Variants in SETD1A observed in about 807,000 individuals in gnomAD.
SETD1A encodes SET domain containing 1A, histone lysine methyltransferase.
In SETD1A, 29 loss-of-function variants were observed where a neutral mutation model predicts 149.9. The observed-to-expected ratio is 0.19, with a 90% confidence interval of 0.14 to 0.26. The LOEUF is 0.26. Ranked by LOEUF, SETD1A falls within the 10% of genes least tolerant of loss-of-function variation. The pLI, the probability that SETD1A is intolerant of heterozygous loss-of-function variation, is 1.00. For synonymous variants in SETD1A, 1,141 were observed against 968.5 expected, an observed-to-expected ratio of 1.18 and a Z score of -3.31; for missense variants, 2,109 against 2,353.1, an observed-to-expected ratio of 0.90 and a Z score of 2.15.
chr16:30,977,877 G>A (rs970101943), intron 13 of SETD1A, among the ~76,000 whole-genome samples: 7 of 152,334 alleles, frequency 4.6e-5, no homozygotes, highest in Middle Eastern at 6.8e-3. Flanking sequence ...GAGTCCGTGG[G>A]CTGCAGTTCA....
At chr16:30,960,164 C>T (rs760263920) in intron 3 of SETD1A, among the ~76,000 whole-genome samples, 18 of 152,156 alleles carry the variant, frequency 1.2e-4, no homozygotes, top group Non-Finnish European at 2.4e-4. Context: ...TCCTTGCCTT[C>T]GTTCTTGCCT....
chr16:30,963,379 A>G, intron 4 of SETD1A, 54 bp from the exon 5 acceptor site: 2 of 1,503,168 alleles, frequency 1.3e-6, no homozygotes, highest in East Asian at 2.5e-5. Context: ...ATACCAGATC[A>G]GGAAGGAGTT....
chr16:30,970,269 T>A (rs2056208559), intron 12 of SETD1A, among the ~76,000 whole-genome samples: 1 of 39,242 alleles, frequency 2.5e-5, no homozygotes, highest in African/African-American at 4.4e-5. Context: ...ACACCCAGAT[T>A]TTTTTTTTTT....
chr16:30,962,822 A>G (rs767813622), intron 4 of SETD1A, among the ~76,000 whole-genome samples: 1 of 152,224 alleles, frequency 6.6e-6, no homozygotes, highest in African/African-American at 2.4e-5. Context: ...GTTCATGCTT[A>G]TAATCCCAGC....
Position 30,964,686 on chromosome 16 carries a change from C to G in SETD1A, c.944C>G (p.Ser315Cys). The change falls in exon 7 of 19, where the codon TCT becomes TGT. Residue 315 changes from serine (S) to cysteine (C), a missense_variant. This residue lies in a region of SETD1A where 410 missense variants were observed against 394.8 expected (regional missense o/e 1.04). Coordinates refer to ENST00000262519, the MANE Select transcript of SETD1A (RefSeq NM_014712.3). ...GATGCCTTTTCCCGCCGCCACTTCT[C>G]TGCATCTTCAGCCTCCACAACCGCC... ...YQDAFSRRHF[S>C]ASSASTTAST... 6.2e-7 allele frequency: 1 copy of G among 1,614,134 alleles called. No homozygotes were observed. Among genetic ancestry groups the G allele is most frequent in the Admixed American group, 1.7e-5 (1 of 60,028 alleles).
At chr16:30,974,397 G>A (rs1013853204) in intron 13 of SETD1A, among the ~76,000 whole-genome samples, 5 of 152,078 alleles carry the variant, frequency 3.3e-5, no homozygotes, top group Admixed American at 6.6e-5. Context: ...AGGCGAGTGG[G>A]GGGAGAGAAA....
intron 1 of SETD1A, 119 bp from the exon 2 acceptor site, chr16:30,958,598 G>C: frequency 2.4e-6 from 2 of 830,152 alleles, no homozygotes; most frequent in Non-Finnish European, 3.8e-6. Flanking sequence ...CCGGGTCAGG[G>C]TGAGGGTTGG....
chr16:30,977,001 G>A (rs945619630), intron 13 of SETD1A, among the ~76,000 whole-genome samples: 3 of 152,014 alleles, frequency 2.0e-5, no homozygotes, highest in African/African-American at 7.2e-5. Flanking sequence ...AGGCTGGAAT[G>A]CAGTGGTGCC....
chr16:30,981,943 C>T (rs1266759216), intron 17 of SETD1A, among the ~76,000 whole-genome samples: 3 of 151,236 alleles, frequency 2.0e-5, no homozygotes, highest in Non-Finnish European at 4.4e-5. Flanking sequence ...AGGGTGAGAC[C>T]GTGTCTCTAG....
At chr16:30,977,610 C>G (rs2056300119) in intron 13 of SETD1A, among the ~76,000 whole-genome samples, 2 of 152,196 alleles carry the variant, frequency 1.3e-5, no homozygotes, top group Admixed American at 1.3e-4. Context: ...CTGTAGGGGG[C>G]GCTGCCCCAG....
At chr16:30,968,455 T>C (rs2056180159) in intron 10 of SETD1A, among the ~76,000 whole-genome samples, 2 of 149,932 alleles carry the variant, frequency 1.3e-5, no homozygotes, top group Non-Finnish European at 3.0e-5. Context: ...CATATGTATA[T>C]ACACACAAAT....
At position 30,984,461 on chromosome 16, in the gene SETD1A, C is replaced by T. The variant is rs2056428551; in HGVS notation, c.*438C>T. ...CCTGGGGGGGCTCTGCACCCCCAGT[C>T]CTGGGGACTCCGTGCCTGGAACCCT... On this transcript the variant is annotated 3_prime_UTR_variant, in exon 19 of 19. Transcript: ENST00000262519. 5.9e-6 allele frequency: 1 copy of T among 170,550 alleles called. No homozygotes were observed. The highest frequency in any genetic ancestry group is 2.4e-5 in the African/African-American group (1 of 41,772). The allele number at this position is 170,550 out of a possible 1,614,324, so 10.6% of individuals were successfully genotyped here.
Position 30,979,710 on chromosome 16 carries a change from C to G in SETD1A, c.3924C>G (p.Pro1308=), listed in dbSNP as rs148512907. 1,249 of 1,602,758 alleles carry G rather than the reference C, an allele frequency of 7.8e-4. No individual in the cohort carries two copies. The highest frequency in any genetic ancestry group is 9.8e-4 in the Non-Finnish European group (1,156 of 1,178,936). The change falls in exon 14 of 19, where the codon CCC becomes CCG. Residue 1308 remains proline (P), a synonymous_variant. Transcript: ENST00000262519. ...LEHNYALAVK[P]TPPAPALRPP... ...ACAACTATGCCCTGGCCGTCAAGCCCACGCCCCCTGCGCCAGCCCTGCGGC... is the reference window on the plus strand; with the variant it reads ...ACAACTATGCCCTGGCCGTCAAGCCGACGCCCCCTGCGCCAGCCCTGCGGC...
chr16:30,967,088 A>C, intron 9 of SETD1A, 28 bp downstream of exon 9: 2 of 1,049,852 alleles, frequency 1.9e-6, no homozygotes, highest in Non-Finnish European at 1.3e-6. Flanking sequence ...TTTGTGGGGT[A>C]GGGTGGGGAG....
intron 13 of SETD1A, among the ~76,000 whole-genome samples, chr16:30,975,287 G>A (rs1053039704): frequency 1.3e-5 from 2 of 152,144 alleles, no homozygotes; most frequent in African/African-American, 4.8e-5. Flanking sequence ...TCCAGCCTGG[G>A]CGACAGAGCG....
rs2056329078 is a variant in SETD1A at position 30,979,243 on chromosome 16, T to C, written c.3457T>C (p.Ser1153Pro). 1 of 1,603,940 alleles carries C rather than the reference T, an allele frequency of 6.2e-7. No homozygotes were observed. The highest frequency in any genetic ancestry group is 8.5e-7 in the Non-Finnish European group (1 of 1,174,414). ...PAPRPDERPS[S>P]PIPLLPPPKK... ...CCCACGCCCCGATGAGCGTCCCTCT[T>C]CTCCCATCCCCCTCCTGCCCCCACC... The change falls in exon 14 of 19, where the codon TCT becomes CCT. Residue 1153 changes from serine to proline, a missense_variant. Physicochemically the swap from Ser to Pro is moderately conservative, Grantham distance 74. Around this residue, in one of 8 missense-constraint regions of SETD1A, gnomAD observed 832 missense variants for 815.6 expected, o/e 1.02. Coordinates refer to ENST00000262519, the MANE Select transcript of SETD1A (RefSeq NM_014712.3).
chr16:30,971,748 C>T (rs371050040), intron 13 of SETD1A, 29 bp downstream of exon 13: 30 of 1,527,458 alleles, frequency 2.0e-5, no homozygotes, highest in African/African-American at 8.3e-5. Context: ...TCGGTTAGAT[C>T]GCTGTGTGTG....
At chr16:30,969,787 T>C (rs2056201968) in intron 12 of SETD1A, 98 bp downstream of exon 12, 1 of 955,204 alleles carries the variant, frequency 1.0e-6, no homozygotes, top group Non-Finnish European at 1.7e-6. Flanking sequence ...CTGCTGGGCT[T>C]GTGGGTCACC....
At chr16:30,973,995 G>A (rs1567359370) in intron 13 of SETD1A, among the ~76,000 whole-genome samples, 1 of 152,160 alleles carries the variant, frequency 6.6e-6, no homozygotes, top group Admixed American at 6.6e-5. Context: ...AGCAGGAGGA[G>A]GAGAGATTTG....
Sources: gnomAD v4.1 joint callset for allele counts (sites outside exome capture counted in the v4.1 genomes callset) on GRCh38, gnomAD v4.1.1 for gene constraint, gnomAD v4.1.1 regional missense constraint, MANE v1.5 for transcripts, NCBI Gene and HGNC (gene_info 2026-07-23, HGNC 2026-07-21) for gene names.